Variants in OSBPL6 observed in about 807,000 individuals in gnomAD.
OSBPL6 encodes oxysterol binding protein like 6.
OSBPL6 carries 49 observed loss-of-function variants against 125.8 expected under a neutral mutation model. The observed-to-expected ratio is 0.39, with a 90% CI of 0.31 to 0.49. The LOEUF (loss-of-function observed/expected upper bound fraction) is 0.49, where lower values mean the gene tolerates loss of function less well. Among genes scored for constraint, OSBPL6 ranks in the 20% least tolerant of loss-of-function variants. OSBPL6 has a pLI of 0.88. For missense variants in OSBPL6, 986 were observed against 1,135.4 expected (o/e 0.87, Z 1.89); for synonymous variants, 394 against 391.8 (o/e 1.01, Z -0.07).
intron 15 of OSBPL6, among the ~76,000 whole-genome samples, chr2:178,378,030 T>C (rs970758498): frequency 2.0e-5 from 3 of 152,096 alleles, no homozygotes; most frequent in Non-Finnish European, 4.4e-5. Context: ...GGTTTCACCA[T>C]GTTGGCCAGG....
chr2:178,289,874 T>G (rs1685078390), intron 2 of OSBPL6, among the ~76,000 whole-genome samples: 1 of 152,214 alleles, frequency 6.6e-6, no homozygotes, highest in Non-Finnish European at 1.5e-5. Flanking sequence ...TCAAGAGGCT[T>G]GATTGGATTC....
intron 3 of OSBPL6, among the ~76,000 whole-genome samples, chr2:178,309,182 G>A (rs1319684754): frequency 6.6e-6 from 1 of 151,864 alleles, no homozygotes; most frequent in Non-Finnish European, 1.5e-5. Context: ...CACTGGCCAC[G>A]CAAACCCACT....
At chr2:178,314,635 G>A (rs549589748) in intron 3 of OSBPL6, among the ~76,000 whole-genome samples, 1 of 152,206 alleles carries the variant, frequency 6.6e-6, no homozygotes, top group Admixed American at 6.5e-5. Context: ...GTATTTTGAA[G>A]AGTCTAAATA....
chr2:178,325,167 T>G (rs1300538095), intron 4 of OSBPL6, among the ~76,000 whole-genome samples: 1 of 152,236 alleles, frequency 6.6e-6, no homozygotes, highest in African/African-American at 2.4e-5. Flanking sequence ...CCTGAGATTT[T>G]CAATGGGCTT....
At chr2:178,305,384 T>G (rs757605348) in intron 2 of OSBPL6, among the ~76,000 whole-genome samples, 4 of 152,206 alleles carry the variant, frequency 2.6e-5, no homozygotes, top group Non-Finnish European at 5.9e-5. Flanking sequence ...AAAATTGAAG[T>G]GGCTGTTGGC....
chr2:178,377,679 T>C (rs979363772), intron 15 of OSBPL6, among the ~76,000 whole-genome samples: 18 of 152,308 alleles, frequency 1.2e-4, no homozygotes, highest in Non-Finnish European at 1.9e-4. Context: ...CCATCTACCC[T>C]GGCCCAAGCA....
At chr2:178,355,697 A>G (rs1691717238) in intron 12 of OSBPL6, among the ~76,000 whole-genome samples, 1 of 152,216 alleles carries the variant, frequency 6.6e-6, no homozygotes, top group African/African-American at 2.4e-5. Flanking sequence ...AAAATATCCC[A>G]ATCAAAAGAA....
chr2:178,349,146 G>A lies in OSBPL6; in HGVS notation c.988-78G>A, dbSNP rs146356741. 1.2e-4 allele frequency: 175 copies of A among 1,410,250 alleles called. 1 individual carries two copies. Among genetic ancestry groups the A allele is most frequent in the Non-Finnish European group, 1.6e-4 (157 of 997,358 alleles). 87.4% of individuals were successfully genotyped at this position (1,410,250 alleles called of 1,614,324 possible). Reference sequence around the variant, plus strand: ...AGAGGAATCTATTATTTTGAAGAACGGGAGAGGTCTTTTCTATGTAGGAGA... The same window carrying A: ...AGAGGAATCTATTATTTTGAAGAACAGGAGAGGTCTTTTCTATGTAGGAGA... On this transcript the variant is annotated intron_variant, in intron 11 of 24. Coordinates refer to ENST00000190611, the MANE Select transcript of OSBPL6 (RefSeq NM_032523.4).
intron 13 of OSBPL6, 70 bp downstream of exon 13, chr2:178,361,885 TG>T: frequency 1.3e-6 from 2 of 1,578,358 alleles, no homozygotes; most frequent in South Asian, 1.1e-5. Context: ...GATCAAAAGA[TG>T]GGGGGCTGGC....
At position 178,398,223 on chromosome 2, in the gene OSBPL6, A is replaced by C. The variant is rs1695967282; in HGVS notation, c.*2664A>C. The C allele has an allele frequency of 6.6e-6, 1 of 152,240 alleles. No homozygotes were observed. The highest frequency in any genetic ancestry group is 1.5e-5 in the Non-Finnish European group (1 of 68,042). The allele number at this position is 152,240 out of a possible 1,614,324, so 9.4% of individuals were successfully genotyped here. ...AGAATATTAGATCATTCTCTTAATA[A>C]GACCTGATTTATTCCTTAGGATGTT... is the stretch of plus-strand genomic sequence containing the variant. On this transcript the variant is annotated 3_prime_UTR_variant, in exon 25 of 25. Coordinates refer to ENST00000190611, the MANE Select transcript of OSBPL6 (RefSeq NM_032523.4).
chr2:178,241,636 G>C (rs1184398149), intron 1 of OSBPL6, among the ~76,000 whole-genome samples: 2 of 151,922 alleles, frequency 1.3e-5, no homozygotes, highest in African/African-American at 2.4e-5. Flanking sequence ...GGCTGGTCTT[G>C]AACTCCTGAC....
In OSBPL6 at chr2:178,350,475, A is replaced by G. The variant is rs1574941413; in HGVS notation, c.1153+1086A>G. On this transcript the variant is annotated intron_variant, in intron 12 of 24. Coordinates refer to ENST00000190611, the MANE Select transcript of OSBPL6 (RefSeq NM_032523.4). ...AGCCTGGTGGAAAAGAAGGGGGCAC[A>G]CTGAAGATCTCTCTGGAAATGTTGA... Among the ~76,000 whole-genome samples, 3 of 152,366 alleles carry G rather than the reference A, an allele frequency of 2.0e-5. No individual in the cohort carries two copies. In the East Asian group the frequency reaches 5.8e-4, roughly 29 times the overall value.
rs568086651 is a variant in OSBPL6, at chr2:178,198,093, A to C, written c.-351+3419A>C. Among the ~76,000 whole-genome samples the C allele has an allele frequency of 2.0e-4, 31 of 152,310 alleles. 1 individual carries two copies. Among genetic ancestry groups the C allele is most frequent in the Admixed American group, 5.9e-4 (9 of 15,302 alleles). On this transcript the variant is annotated intron_variant, in intron 1 of 24. Transcript: ENST00000190611. Reference sequence around the variant, plus strand: ...AACCACTCAAAGCATTTATACACTAAGTTTAGGGAACAGATAGGTGGGGAC... The same window carrying C: ...AACCACTCAAAGCATTTATACACTACGTTTAGGGAACAGATAGGTGGGGAC...
intron 5 of OSBPL6, among the ~76,000 whole-genome samples, chr2:178,331,030 T>C (rs1163970598): frequency 1.3e-5 from 2 of 152,340 alleles, no homozygotes; most frequent in East Asian, 3.9e-4. Flanking sequence ...TGCAAGCATA[T>C]TACTAAGCCC....
intron 3 of OSBPL6, among the ~76,000 whole-genome samples, chr2:178,312,784 C>T (rs1687404613): frequency 6.6e-6 from 1 of 152,150 alleles, no homozygotes; most frequent in African/African-American, 2.4e-5. Flanking sequence ...AAGGTTATTG[C>T]TTCCTGATCA....
intron 1 of OSBPL6, among the ~76,000 whole-genome samples, chr2:178,237,461 G>T (rs186653019): frequency 2.2e-4 from 34 of 152,188 alleles, no homozygotes; most frequent in African/African-American, 7.0e-4. Context: ...CCATTGAAAA[G>T]GTCTCCTCTG....
At chr2:178,306,330 G>A (rs1324788152) in intron 3 of OSBPL6, 44 bp downstream of exon 3, 3 of 1,152,188 alleles carry the variant, frequency 2.6e-6, no homozygotes, top group Non-Finnish European at 3.9e-6. Flanking sequence ...TTATGCAAAT[G>A]CAATACCACT....
chr2:178,350,554 C>T (rs1343184663), intron 12 of OSBPL6, among the ~76,000 whole-genome samples: 4 of 152,154 alleles, frequency 2.6e-5, no homozygotes, highest in African/African-American at 9.7e-5. Flanking sequence ...TGTCAGATTT[C>T]ATTAATTCTA....
chr2:178,387,373 G>C (rs1382900583), intron 20 of OSBPL6, among the ~76,000 whole-genome samples: 2 of 152,070 alleles, frequency 1.3e-5, no homozygotes, highest in Non-Finnish European at 2.9e-5. Flanking sequence ...ACACCACCAG[G>C]TACCTCCCAT....
Sources: allele counts gnomAD v4.1 joint callset (sites outside exome capture counted in the v4.1 genomes callset), GRCh38; gene constraint gnomAD v4.1.1; transcripts MANE v1.5; gene names NCBI Gene and HGNC (gene_info 2026-07-23, HGNC 2026-07-21).